PGM1: variants seen among roughly 807,000 people sequenced by gnomAD.
PGM1 encodes the protein phosphoglucomutase 1.
Under a neutral mutation model 55.6 loss-of-function variants are expected in PGM1, and 52 were observed. The ratio of observed to expected loss-of-function variants is 0.94; its 90% CI spans 0.75 to 1.18. PGM1 has a LOEUF of 1.18. Among genes scored for constraint, PGM1 ranks in the 50% most tolerant of loss-of-function variants. PGM1 has a pLI of 0.00. For missense variants in PGM1, 724 were observed against 729.3 expected (o/e 0.99, Z 0.08); for synonymous variants, 287 against 271.7 (o/e 1.06, Z -0.55).
At chr1:63,614,086 G>A (rs1648644684) in intron 1 of PGM1, among the ~76,000 whole-genome samples, 1 of 152,158 alleles carries the variant, frequency 6.6e-6, no homozygotes, top group South Asian at 2.1e-4. Context: ...TTGTTATTAA[G>A]CCTGCATGAA....
intron 1 of PGM1, among the ~76,000 whole-genome samples, chr1:63,607,963 A>G (rs566912096): frequency 6.6e-6 from 1 of 152,332 alleles, no homozygotes; most frequent in African/African-American, 2.4e-5. Flanking sequence ...CCAAAGTTCA[A>G]ATCTATTCTC....
chr1:63,656,571 G>GGGGT (rs1553122805), intron 10 of PGM1, among the ~76,000 whole-genome samples: 13 of 144,340 alleles, frequency 9.0e-5, no homozygotes, highest in African/African-American at 2.7e-4. Flanking sequence ...AAGACATTGT[G>GGGGT]GTGTGTGTGT....
chr1:63,642,427 G>A (rs547757134), intron 7 of PGM1, among the ~76,000 whole-genome samples: 4 of 152,280 alleles, frequency 2.6e-5, no homozygotes, highest in African/African-American at 9.6e-5. Flanking sequence ...GGATAAGCCT[G>A]TTGTTGTTTG....
chr1:63,618,229 C>T (rs1648790895), intron 1 of PGM1, among the ~76,000 whole-genome samples: 1 of 152,208 alleles, frequency 6.6e-6, no homozygotes, highest in Non-Finnish European at 1.5e-5. Flanking sequence ...GGTTCAGACC[C>T]TGTCACTTTG....
chr1:63,599,372 G>A (rs969759546), intron 1 of PGM1, among the ~76,000 whole-genome samples: 5 of 151,984 alleles, frequency 3.3e-5, no homozygotes, highest in Non-Finnish European at 7.4e-5. Flanking sequence ...CACCATGTTG[G>A]CCAGGATGGT....
intron 1 of PGM1, among the ~76,000 whole-genome samples, chr1:63,628,098 G>A (rs2100980667): frequency 6.6e-6 from 1 of 152,272 alleles, no homozygotes; most frequent in Non-Finnish European, 1.5e-5. Context: ...GTTTGCAGTG[G>A]TACTTGGGAA....
chr1:63,657,151 A>G (rs1425023322), intron 10 of PGM1, among the ~76,000 whole-genome samples: 1 of 152,246 alleles, frequency 6.6e-6, no homozygotes, highest in East Asian at 1.9e-4. Context: ...AGCATTTGCC[A>G]TGCTTATTTT....
chr1:63,623,297 C>G, intron 1 of PGM1: 1 of 1,451,540 alleles, frequency 6.9e-7, no homozygotes, highest in East Asian at 2.4e-5. Context: ...ACAACAACAA[C>G]AAGGAATTAA....
intron 1 of PGM1, among the ~76,000 whole-genome samples, chr1:63,629,152 G>A (rs1649120370): frequency 6.6e-6 from 1 of 152,130 alleles, no homozygotes; most frequent in South Asian, 2.1e-4. Context: ...GTGTTTTCAT[G>A]CTGGAGCCTT....
chr1:63,636,173 A>C, intron 5 of PGM1, 61 bp from the exon 6 acceptor site: 3 of 1,474,194 alleles, frequency 2.0e-6, no homozygotes, highest in African/African-American at 1.4e-5. Flanking sequence ...CCCATGAAAG[A>C]TAGTTTGATT....
chr1:63,629,853 C>A, intron 2 of PGM1, 89 bp from the exon 3 acceptor site: 1 of 1,396,892 alleles, frequency 7.2e-7, no homozygotes, highest in Non-Finnish European at 1.0e-6. Context: ...GGTAGATGTG[C>A]TAGTGAAGAG....
At chr1:63,656,231 G>T (rs1649962019) in intron 10 of PGM1, among the ~76,000 whole-genome samples, 1 of 152,134 alleles carries the variant, frequency 6.6e-6, no homozygotes, top group Admixed American at 6.5e-5. Context: ...ACAATGAGCT[G>T]TCACCTCACA....
At chr1:63,646,703 T>TTGTGGATTTTTACACC (rs1649653815) in intron 7 of PGM1, among the ~76,000 whole-genome samples, 1 of 152,152 alleles carries the variant, frequency 6.6e-6, no homozygotes, top group African/African-American at 2.4e-5. Context: ...ATTTTTACAC[T>TTGTGGATTTTTACACC]TGTGGATTTT....
chr1:63,603,920 A>G (rs1027723856), intron 1 of PGM1, among the ~76,000 whole-genome samples: 1 of 152,184 alleles, frequency 6.6e-6, no homozygotes, highest in African/African-American at 2.4e-5. Flanking sequence ...TCTATATACA[A>G]CAGTTACATT....
chr1:63,602,807 G>A (rs1648282100), intron 1 of PGM1, among the ~76,000 whole-genome samples: 1 of 152,134 alleles, frequency 6.6e-6, no homozygotes, highest in African/African-American at 2.4e-5. Flanking sequence ...GAACAATACA[G>A]GCCCAGTCCT....
intron 1 of PGM1, among the ~76,000 whole-genome samples, chr1:63,617,452 C>T (rs1045410154): frequency 6.6e-5 from 10 of 152,092 alleles, no homozygotes; most frequent in Non-Finnish European, 1.3e-4. Flanking sequence ...CTTCAAGACC[C>T]TGAGACACAT....
rs554475249 is a variant in PGM1 at position 63,654,397 on chromosome 1, C to T, written c.1530C>T (p.Ala510=). 8.1e-6 allele frequency: 13 copies of T among 1,613,970 alleles called. No individual in the cohort carries two copies. The highest frequency in any genetic ancestry group is 5.5e-5 in the South Asian group (5 of 91,070). ...IVFRLSGTGS[A]GATIRLYIDS... Reference sequence around the variant, plus strand: ...TCCGACTGAGCGGCACTGGGAGTGCCGGGGCCACCATTCGGCTGTACATCG... The same window carrying T: ...TCCGACTGAGCGGCACTGGGAGTGCTGGGGCCACCATTCGGCTGTACATCG... Residue 510 remains alanine, a synonymous_variant, in exon 10 of 11, where the codon GCC becomes GCT. Coordinates refer to ENST00000371084, the MANE Select transcript of PGM1 (RefSeq NM_002633.3).
At chr1:63,647,254 TTTTACATATATATA>T (rs1256697826) in intron 7 of PGM1, among the ~76,000 whole-genome samples, 1 of 47,266 alleles carries the variant, frequency 2.1e-5, no homozygotes, top group African/African-American at 6.3e-5. Context: ...AAAAATAAAA[TTTTACATATATATA>T]TATATATATA....
intron 1 of PGM1, 98 bp downstream of exon 1, chr1:63,593,832 C>A (rs1647948828): frequency 7.6e-7 from 1 of 1,315,636 alleles, no homozygotes; most frequent in African/African-American, 1.6e-5. Context: ...CGCTTCCGCG[C>A]GCTGCCGCCT....
Sources: allele counts gnomAD v4.1 joint callset (sites outside exome capture counted in the v4.1 genomes callset), GRCh38; gene constraint gnomAD v4.1.1; transcripts MANE v1.5; gene names NCBI Gene and HGNC (gene_info 2026-07-23, HGNC 2026-07-21).